VTI1B: variants seen among roughly 807,000 people sequenced by gnomAD.
VTI1B encodes vesicle transport through interaction with t-SNAREs 1B.
A neutral mutation model predicts 28.6 loss-of-function variants in VTI1B; 18 were observed. The ratio of observed to expected loss-of-function variants is 0.63; its 90% confidence interval spans 0.43 to 0.93. The LOEUF is 0.93. Among genes scored for constraint, VTI1B ranks in the 40% least tolerant of loss-of-function variants. The pLI is 0.00. For synonymous variants in VTI1B, 100 were observed against 107.9 expected, an observed-to-expected ratio of 0.93 and a Z score of 0.46; for missense variants, 283 against 297.0, an observed-to-expected ratio of 0.95 and a Z score of 0.35.
In VTI1B at chr14:67,656,435, A is replaced by C. The variant is rs1268353415; in HGVS notation, c.521T>G (p.Leu174Ter). ...IEELGEQRDQ[L>*]ERTKSRLVNT... ...ACTTACTCTACTCTTGGTACGTTCTAACTGGTCTCGTTGTTCCCCCAGCTC... is the reference window on the plus strand; with the variant it reads ...ACTTACTCTACTCTTGGTACGTTCTCACTGGTCTCGTTGTTCCCCCAGCTC... The change falls in exon 4 of 6, where the codon TTA becomes TGA. Residue 174 changes from leucine (L) to a stop codon, truncating the protein, a stop_gained. Coordinates refer to ENST00000554659, the MANE Select transcript of VTI1B (RefSeq NM_006370.3). LOFTEE classifies it high-confidence loss of function. 1 of 1,612,862 alleles carries C rather than the reference A, an allele frequency of 6.2e-7. No individual in the cohort carries two copies. The highest frequency in any genetic ancestry group is 8.5e-7 in the Non-Finnish European group (1 of 1,179,468).
At chr14:67,660,955 A>T (rs905713627) in intron 2 of VTI1B, among the ~76,000 whole-genome samples, 28 of 152,202 alleles carry the variant, frequency 1.8e-4, no homozygotes, top group Admixed American at 1.3e-4. Flanking sequence ...TCCCATTAGG[A>T]AGAAGATAGT....
At chr14:67,655,827 G>C (rs1042844808) in intron 4 of VTI1B, among the ~76,000 whole-genome samples, 17 of 152,164 alleles carry the variant, frequency 1.1e-4, no homozygotes, top group African/African-American at 4.1e-4. Context: ...CTGTAATCTT[G>C]TAAGTGTAGA....
chr14:67,671,961 G>C (rs575817933), intron 1 of VTI1B, among the ~76,000 whole-genome samples: 1 of 152,300 alleles, frequency 6.6e-6, no homozygotes, highest in South Asian at 2.1e-4. Context: ...GATTAAAATA[G>C]CAAATAAATG....
At chr14:67,666,605 C>A (rs2037405083) in intron 1 of VTI1B, among the ~76,000 whole-genome samples, 1 of 152,200 alleles carries the variant, frequency 6.6e-6, no homozygotes, top group African/African-American at 2.4e-5. Context: ...GGATCAATAG[C>A]AGCTTTTTAA....
At chr14:67,660,157 G>A (rs1341507435) in intron 2 of VTI1B, 1 of 400,302 alleles carries the variant, frequency 2.5e-6, no homozygotes, top group African/African-American at 2.0e-5. Context: ...TGAATGAATG[G>A]AAAAACAGAA....
intron 1 of VTI1B, among the ~76,000 whole-genome samples, chr14:67,669,077 T>C (rs1020450851): frequency 2.0e-5 from 3 of 152,142 alleles, no homozygotes; most frequent in African/African-American, 4.8e-5. Flanking sequence ...ACTCATTTAC[T>C]CCTCACAAAA....
At chr14:67,661,803 G>A (rs912988596) in intron 2 of VTI1B, among the ~76,000 whole-genome samples, 1 of 151,926 alleles carries the variant, frequency 6.6e-6, no homozygotes, top group African/African-American at 2.4e-5. Flanking sequence ...CAAAGTGTTG[G>A]GATTGCAAGC....
chr14:67,670,985 A>G (rs1472077916), intron 1 of VTI1B, among the ~76,000 whole-genome samples: 6 of 152,242 alleles, frequency 3.9e-5, no homozygotes, highest in Non-Finnish European at 5.9e-5. Flanking sequence ...TGTGCCTAAT[A>G]ATTCATGATG....
chr14:67,663,019 T>C (rs2037358707), intron 1 of VTI1B: 1 of 1,405,338 alleles, frequency 7.1e-7, no homozygotes, highest in South Asian at 1.7e-5. Context: ...AAAATAAAAA[T>C]TCCACCTACT....
At chr14:67,667,033 A>G (rs1476756382) in intron 1 of VTI1B, among the ~76,000 whole-genome samples, 1 of 152,196 alleles carries the variant, frequency 6.6e-6, no homozygotes, top group East Asian at 1.9e-4. Context: ...AACCACTTCA[A>G]ATACCACTAT....
intron 2 of VTI1B, among the ~76,000 whole-genome samples, chr14:67,662,143 G>A (rs531659817): frequency 4.8e-4 from 73 of 150,602 alleles, no homozygotes; most frequent in African/African-American, 1.8e-3. Flanking sequence ...GCAACAGAGC[G>A]AGACTCTGTC....
chr14:67,669,675 C>G (rs1054049158), intron 1 of VTI1B, among the ~76,000 whole-genome samples: 1 of 152,208 alleles, frequency 6.6e-6, no homozygotes, highest in African/African-American at 2.4e-5. Flanking sequence ...AACCCAAACT[C>G]TGCTTCTCCT....
At chr14:67,674,310 G>T in intron 1 of VTI1B, 65 bp downstream of exon 1, 1 of 1,409,728 alleles carries the variant, frequency 7.1e-7, no homozygotes, top group East Asian at 2.6e-5. Context: ...GAGGAAGGTG[G>T]GAGAATCTTC....
In VTI1B at chr14:67,673,343, C is replaced by CAA. The variant is rs202054090; in HGVS notation, c.115+1030_115+1031dup. 1.5e-4 allele frequency among the ~76,000 whole-genome samples: 22 copies of CAA among 144,622 alleles called. No homozygotes were observed. In the East Asian group the frequency reaches 3.2e-3, roughly 21 times the overall value. 94.9% of individuals were successfully genotyped at this position (144,622 alleles called of 152,430 possible). ...TGGGTGACAGAGTGAGACCCTGTCT[C>CAA]AAAAAAAAAAATGATAAATAATAAA... On this transcript the variant is annotated intron_variant, in intron 1 of 5. Coordinates refer to ENST00000554659, the MANE Select transcript of VTI1B (RefSeq NM_006370.3).
chr14:67,668,163 T>C (rs1243602920), intron 1 of VTI1B, among the ~76,000 whole-genome samples: 1 of 152,184 alleles, frequency 6.6e-6, no homozygotes, highest in Non-Finnish European at 1.5e-5. Flanking sequence ...TTAAGACATA[T>C]GGAGAGATGT....
At chr14:67,674,320 C>T (rs1246548366) in intron 1 of VTI1B, 55 bp downstream of exon 1, 2 of 1,458,620 alleles carry the variant, frequency 1.4e-6, no homozygotes, top group Non-Finnish European at 1.8e-6. Context: ...GGAGAATCTT[C>T]CTTCCAAAGC....
chr14:67,674,592 C>A lies in VTI1B; in HGVS notation c.-103G>T. On this transcript the variant is annotated 5_prime_UTR_variant, in exon 1 of 6. Transcript: ENST00000554659. ...AGCCCAGTGGCCATAACGGCGACCGCCGCACCACCGCCGCCCAGGACGAGG... is the reference window on the plus strand; with the variant it reads ...AGCCCAGTGGCCATAACGGCGACCGACGCACCACCGCCGCCCAGGACGAGG... 5 of 894,976 alleles carry A rather than the reference C, an allele frequency of 5.6e-6. No individual in the cohort carries two copies. The highest frequency in any genetic ancestry group is 7.8e-6 in the Non-Finnish European group (5 of 639,374). The allele number at this position is 894,976 out of a possible 1,614,324, so 55.4% of individuals were successfully genotyped here.
rs1414208589 is a variant in VTI1B, at chr14:67,649,517, T to C, written c.*1868A>G. 1 of 152,136 alleles carries C rather than the reference T, an allele frequency of 6.6e-6. No individual in the cohort carries two copies. The highest frequency in any genetic ancestry group is 2.4e-5 in the African/African-American group (1 of 41,406). The allele number at this position is 152,136 out of a possible 1,614,324, so 9.4% of individuals were successfully genotyped here. On this transcript the variant is annotated 3_prime_UTR_variant, in exon 6 of 6. Coordinates refer to ENST00000554659, the MANE Select transcript of VTI1B (RefSeq NM_006370.3). Reference sequence around the variant, plus strand: ...AGTCTGGAAACATAAGTCATGTATATATTTCTAATAGTGCAAACTTTGATG... The same window carrying C: ...AGTCTGGAAACATAAGTCATGTATACATTTCTAATAGTGCAAACTTTGATG...
intron 1 of VTI1B, among the ~76,000 whole-genome samples, chr14:67,663,529 C>G (rs1347535683): frequency 6.6e-6 from 1 of 151,822 alleles, no homozygotes; most frequent in Non-Finnish European, 1.5e-5. Flanking sequence ...AAAAAATTAG[C>G]CTGGTGTGGT....
Sources: allele counts gnomAD v4.1 joint callset (sites outside exome capture counted in the v4.1 genomes callset), GRCh38; gene constraint gnomAD v4.1.1; transcripts MANE v1.5; gene names NCBI Gene and HGNC (gene_info 2026-07-23, HGNC 2026-07-21).